EXOC4: variants seen among roughly 807,000 people sequenced by gnomAD.
EXOC4 encodes exocyst complex component 4.
A neutral mutation model predicts 107.2 loss-of-function variants in EXOC4; 71 were observed. That is an observed-to-expected ratio of 0.66 (90% CI 0.55 to 0.81). The LOEUF is 0.81. Ranked by LOEUF, EXOC4 falls within the 30% of genes least tolerant of loss-of-function variation. The pLI, the probability that EXOC4 is intolerant of heterozygous loss-of-function variation, is 0.00. For missense variants in EXOC4, 1,108 were observed against 1,189.6 expected (o/e 0.93, Z 1.01); for synonymous variants, 456 against 441.2 (o/e 1.03, Z -0.42).
At chr7:133,911,827 C>T (rs867140896) in intron 12 of EXOC4, among the ~76,000 whole-genome samples, 1 of 152,240 alleles carries the variant, frequency 6.6e-6, no homozygotes, top group Middle Eastern at 3.4e-3. Context: ...TTGGGCTTCT[C>T]ACTCTGTGGA....
At chr7:133,469,283 G>T (rs1011684949) in intron 7 of EXOC4, among the ~76,000 whole-genome samples, 3 of 152,126 alleles carry the variant, frequency 2.0e-5, no homozygotes, top group Non-Finnish European at 4.4e-5. Flanking sequence ...TGGTGTGGTG[G>T]CATGCACCTG....
intron 5 of EXOC4, among the ~76,000 whole-genome samples, chr7:133,331,447 C>T (rs944551575): frequency 2.1e-5 from 3 of 141,142 alleles, no homozygotes; most frequent in Non-Finnish European, 3.0e-5. Flanking sequence ...CAGGTATTAT[C>T]TTCTTTCTTT....
At chr7:133,648,382 A>G (rs1803045523) in intron 10 of EXOC4, among the ~76,000 whole-genome samples, 1 of 152,096 alleles carries the variant, frequency 6.6e-6, no homozygotes, top group African/African-American at 2.4e-5. Flanking sequence ...ACTTCCCTAC[A>G]TTTCGTGGCA....
intron 10 of EXOC4, among the ~76,000 whole-genome samples, chr7:133,728,603 C>A (rs1795263922): frequency 6.6e-6 from 1 of 152,192 alleles, no homozygotes; most frequent in South Asian, 2.1e-4. Context: ...TCATTGCCAT[C>A]TAGCTATTTG....
intron 17 of EXOC4, among the ~76,000 whole-genome samples, chr7:134,034,364 C>T (rs1004299834): frequency 6.6e-6 from 1 of 152,188 alleles, no homozygotes; most frequent in African/African-American, 2.4e-5. Flanking sequence ...TAGAAGCACC[C>T]TCTTTGAGAG....
chr7:134,097,038 T>C, the EXOC4 span, among the ~76,000 whole-genome samples: 1 of 152,042 alleles, frequency 6.6e-6, no homozygotes, highest in South Asian at 2.1e-4. Context: ...TATGGAATTA[T>C]GATATATACA....
chr7:133,877,511 A>C (rs915738693), intron 11 of EXOC4, among the ~76,000 whole-genome samples: 3 of 152,110 alleles, frequency 2.0e-5, no homozygotes, highest in African/African-American at 7.2e-5. Flanking sequence ...TCTAAGGCTA[A>C]TTTGGCCCCG....
intron 11 of EXOC4, among the ~76,000 whole-genome samples, chr7:133,869,086 A>G (rs184816815): frequency 4.8e-4 from 73 of 151,236 alleles, no homozygotes; most frequent in Non-Finnish European, 1.6e-4. Flanking sequence ...TGAAGGCCCA[A>G]CTGAGAGTGT....
chr7:133,468,688 C>T (rs1337110240), intron 7 of EXOC4, among the ~76,000 whole-genome samples: 3 of 152,188 alleles, frequency 2.0e-5, no homozygotes, highest in East Asian at 1.9e-4. Context: ...AACCGGGAGG[C>T]GCCTTCTGGG....
rs1798854388 is a variant in EXOC4, at chr7:133,876,575, C to CT, written c.1735-19018dup. Among the ~76,000 whole-genome samples, 4 of 151,186 alleles carry CT rather than the reference C, an allele frequency of 2.6e-5. No individual in the cohort carries two copies. In the South Asian group the frequency reaches 8.4e-4, roughly 32 times the overall value. On this transcript the variant is annotated intron_variant, in intron 11 of 17. Coordinates refer to ENST00000253861, the MANE Select transcript of EXOC4 (RefSeq NM_021807.4). ...CTTCTTTTTTTCTCTGTTGGATCTT[C>CT]TTTTTTCTCATGGTACCACAGTGCA...
intron 9 of EXOC4, among the ~76,000 whole-genome samples, chr7:133,543,658 T>C (rs1455200656): frequency 1.3e-5 from 2 of 152,160 alleles, no homozygotes; most frequent in Non-Finnish European, 2.9e-5. Context: ...AGTGGCTTCT[T>C]CTAGATCTTC....
intron 5 of EXOC4, among the ~76,000 whole-genome samples, chr7:133,339,347 A>G (rs1462654435): frequency 6.6e-6 from 1 of 152,104 alleles, no homozygotes; most frequent in Non-Finnish European, 1.5e-5. Flanking sequence ...TGGGTTCTCT[A>G]GTCTGTTCCA....
intron 7 of EXOC4, among the ~76,000 whole-genome samples, chr7:133,451,507 T>TAA (rs10677071): frequency 0.85 from 128,941 of 151,922 alleles, 55,038 homozygotes; most frequent in East Asian, 0.95. Context: ...TTTGTTAATA[T>TAA]GAGAAAATTA....
chr7:133,263,787 A>G (rs994998648), intron 1 of EXOC4, among the ~76,000 whole-genome samples: 2 of 132 alleles, frequency 0.015, no homozygotes, highest in African/African-American at 0.056. Context: ...ATGGTGGGAA[A>G]CAGGTTGATT....
chr7:133,692,651 G>T (rs1480875575), intron 10 of EXOC4, among the ~76,000 whole-genome samples: 3 of 152,144 alleles, frequency 2.0e-5, no homozygotes, highest in Non-Finnish European at 4.4e-5. Context: ...TGTGAGAAAA[G>T]AAAATATTTT....
chr7:134,082,534 A>G, the EXOC4 span, among the ~76,000 whole-genome samples: 19 of 152,144 alleles, frequency 1.2e-4, no homozygotes, highest in Non-Finnish European at 2.5e-4. Context: ...TCCACCTCCC[A>G]GGTTCAAGCA....
intron 10 of EXOC4, among the ~76,000 whole-genome samples, chr7:133,740,811 G>A (rs1291222226): frequency 6.6e-6 from 1 of 152,142 alleles, no homozygotes; most frequent in Non-Finnish European, 1.5e-5. Context: ...CCATTAGATA[G>A]TAGGCATAGG....
intron 8 of EXOC4, chr7:133,479,031 G>A (rs1168301773): frequency 6.6e-6 from 1 of 152,140 alleles, no homozygotes; most frequent in African/African-American, 2.4e-5. Context: ...GCATAATTAA[G>A]AAAATGATGG....
intron 9 of EXOC4, among the ~76,000 whole-genome samples, chr7:133,507,999 G>A (rs554067219): frequency 6.6e-6 from 1 of 152,072 alleles, no homozygotes; most frequent in Non-Finnish European, 1.5e-5. Context: ...GGCAGAGGTT[G>A]CAGTGAACCA....
Sources: gnomAD v4.1 joint callset for allele counts (sites outside exome capture counted in the v4.1 genomes callset) on GRCh38, gnomAD v4.1.1 for gene constraint, MANE v1.5 for transcripts, NCBI Gene and HGNC (gene_info 2026-07-23, HGNC 2026-07-21) for gene names.